The following EEFSEC variants were observed in gnomAD, a reference collection of about 807,000 sequenced individuals.
The protein encoded by EEFSEC is eukaryotic elongation factor, selenocysteine-tRNA specific.
EEFSEC carries 43 observed loss-of-function variants against 42.1 expected under a neutral mutation model. The observed-to-expected ratio is 1.02, with a 90% CI of 0.80 to 1.32. The LOEUF (loss-of-function observed/expected upper bound fraction) is 1.32. Ranked by LOEUF, EEFSEC falls within the 40% of genes most tolerant of loss-of-function variation. The pLI is 0.00. For synonymous variants in EEFSEC, 354 were observed against 339.1 expected (o/e 1.04, Z -0.48); for missense variants, 745 against 803.6 (o/e 0.93, Z 0.88).
At chr3:128,348,632 T>C (rs895464612) in intron 5 of EEFSEC, among the ~76,000 whole-genome samples, 4 of 152,232 alleles carry the variant, frequency 2.6e-5, no homozygotes, top group African/African-American at 9.6e-5. Context: ...CCTCTGTTTA[T>C]GGTTAGTGAC....
At chr3:128,162,838 A>G (rs1337261342) in intron 1 of EEFSEC, among the ~76,000 whole-genome samples, 1 of 152,208 alleles carries the variant, frequency 6.6e-6, no homozygotes, top group Non-Finnish European at 1.5e-5. Context: ...GAAGGTTATA[A>G]TCAAAGTCAG....
intron 1 of EEFSEC, among the ~76,000 whole-genome samples, chr3:128,170,095 G>C (rs1325069866): frequency 2.0e-5 from 3 of 152,162 alleles, no homozygotes; most frequent in Non-Finnish European, 4.4e-5. Flanking sequence ...CTCAGAACCA[G>C]AACTGGACAC....
At chr3:128,184,341 T>C (rs1484697771) in intron 1 of EEFSEC, among the ~76,000 whole-genome samples, 1 of 152,204 alleles carries the variant, frequency 6.6e-6, no homozygotes, top group Non-Finnish European at 1.5e-5. Context: ...CACTTACTCC[T>C]TATTTCCCCC....
intron 4 of EEFSEC, 73 bp from the exon 5 acceptor site, chr3:128,341,160 T>G: frequency 6.6e-7 from 1 of 1,517,184 alleles, no homozygotes. Flanking sequence ...ATTCTCTAGC[T>G]GCAGCTCCCC....
chr3:128,250,469 T>G (rs2066173659), intron 2 of EEFSEC, among the ~76,000 whole-genome samples: 1 of 152,190 alleles, frequency 6.6e-6, no homozygotes, highest in Non-Finnish European at 1.5e-5. Context: ...ATTTTGCATG[T>G]GGATATCCAG....
chr3:128,239,480 G>A (rs1559882230), intron 1 of EEFSEC, among the ~76,000 whole-genome samples: 2 of 152,200 alleles, frequency 1.3e-5, no homozygotes, highest in Non-Finnish European at 2.9e-5. Flanking sequence ...GTCAAGAGGT[G>A]TACTTGCCTG....
chr3:128,348,052 T>G (rs886489914), intron 5 of EEFSEC, among the ~76,000 whole-genome samples: 2 of 152,200 alleles, frequency 1.3e-5, no homozygotes, highest in Non-Finnish European at 2.9e-5. Flanking sequence ...TACTGTGTGT[T>G]GTCTTAAGGG....
chr3:128,248,152 C>A (rs2066146750), intron 2 of EEFSEC, among the ~76,000 whole-genome samples: 1 of 152,172 alleles, frequency 6.6e-6, no homozygotes, highest in Non-Finnish European at 1.5e-5. Flanking sequence ...TTATCAATTT[C>A]TCTCTTCCTC....
Position 128,408,180 on chromosome 3 carries a change from C to G in EEFSEC, c.1712C>G (p.Pro571Arg). 2 of 1,612,894 alleles carry G rather than the reference C, an allele frequency of 1.2e-6. No individual in the cohort carries two copies. The highest frequency in any genetic ancestry group is 1.7e-6 in the Non-Finnish European group (2 of 1,179,414). Residue 571 changes from proline (P) to arginine (R), a missense_variant, in exon 7 of 7, where the codon CCC (proline) becomes CGC (arginine). Pro to Arg is a moderately radical substitution (Grantham distance 103). Transcript: ENST00000254730. Reference sequence around the variant, plus strand: ...GAGGAGAGCGCCGAGCGGAGCGAGCCCTCACAGCATGTGGTGCTCAGCCTG... The same window carrying G: ...GAGGAGAGCGCCGAGCGGAGCGAGCGCTCACAGCATGTGGTGCTCAGCCTG... ...RQEESAERSE[P>R]SQHVVLSLTF...
intron 4 of EEFSEC, among the ~76,000 whole-genome samples, chr3:128,339,119 A>G (rs1254173270): frequency 2.6e-5 from 4 of 152,120 alleles, no homozygotes; most frequent in Non-Finnish European, 4.4e-5. Flanking sequence ...TCATTCTCCT[A>G]TTGCCTTTTC....
At chr3:128,391,434 C>A (rs1351222312) in intron 6 of EEFSEC, among the ~76,000 whole-genome samples, 1 of 152,234 alleles carries the variant, frequency 6.6e-6, no homozygotes, top group Non-Finnish European at 1.5e-5. Flanking sequence ...AGGTTCTGGG[C>A]CCTGGCTGGT....
At chr3:128,176,879 TAA>T (rs1221063435) in intron 1 of EEFSEC, among the ~76,000 whole-genome samples, 2 of 152,158 alleles carry the variant, frequency 1.3e-5, no homozygotes, top group African/African-American at 2.4e-5. Context: ...TTACTACTGA[TAA>T]TAAAGACTCC....
chr3:128,256,037 A>G (rs2066238699), intron 2 of EEFSEC, among the ~76,000 whole-genome samples: 1 of 152,160 alleles, frequency 6.6e-6, no homozygotes, highest in South Asian at 2.1e-4. Flanking sequence ...AGTATTATTC[A>G]GAGTGAGGGA....
At chr3:128,340,375 AATTAT>A (rs2067237012) in intron 4 of EEFSEC, among the ~76,000 whole-genome samples, 1 of 149,862 alleles carries the variant, frequency 6.7e-6, no homozygotes. Context: ...AATATTATAT[AATTAT>A]ATTAATATAT....
At chr3:128,162,545 G>A (rs765324377) in intron 1 of EEFSEC, among the ~76,000 whole-genome samples, 6 of 152,304 alleles carry the variant, frequency 3.9e-5, no homozygotes, top group East Asian at 1.9e-4. Context: ...GCTGGACAGC[G>A]GGTGATTTTG....
chr3:128,382,136 A>G (rs1357407592), intron 6 of EEFSEC, among the ~76,000 whole-genome samples: 1 of 152,218 alleles, frequency 6.6e-6, no homozygotes, highest in Non-Finnish European at 1.5e-5. Flanking sequence ...GTTGTCAGGA[A>G]GAAGAAAGCA....
intron 4 of EEFSEC, among the ~76,000 whole-genome samples, chr3:128,284,275 A>G (rs1337474783): frequency 2.6e-5 from 4 of 152,366 alleles, no homozygotes; most frequent in Admixed American, 6.5e-5. Flanking sequence ...CTTGAACTAC[A>G]CAATTCTTCC....
At chr3:128,362,539 C>T (rs1276896053) in intron 6 of EEFSEC, among the ~76,000 whole-genome samples, 2 of 152,190 alleles carry the variant, frequency 1.3e-5, no homozygotes, top group Non-Finnish European at 2.9e-5. Flanking sequence ...ATAGGTGGCC[C>T]CTCTCCCACA....
intron 4 of EEFSEC, among the ~76,000 whole-genome samples, chr3:128,323,140 G>A (rs1004604169): frequency 2.0e-5 from 3 of 152,190 alleles, no homozygotes; most frequent in Non-Finnish European, 2.9e-5. Context: ...CATAAGTGGT[G>A]TATACTGGTT....
Sources: gnomAD v4.1 joint callset for allele counts (sites outside exome capture counted in the v4.1 genomes callset) on GRCh38, gnomAD v4.1.1 for gene constraint, MANE v1.5 for transcripts, NCBI Gene and HGNC (gene_info 2026-07-23, HGNC 2026-07-21) for gene names.